The following TTN variants were observed in gnomAD, a reference collection of about 807,000 sequenced individuals.
The protein encoded by TTN is titin.
Under a neutral mutation model 3,223.0 loss-of-function variants are expected in TTN, and 1,525 were observed. The ratio of observed to expected loss-of-function variants is 0.47; its 90% CI spans 0.45 to 0.49. The LOEUF (loss-of-function observed/expected upper bound fraction) is 0.49, where lower values mean the gene tolerates loss of function less well. TTN is among the 20% of genes least tolerant of loss of function. TTN has a pLI of 0.00. For synonymous variants in TTN, 14,094 were observed against 15,161.0 expected (o/e 0.93, Z 5.17); for missense variants, 40,786 against 43,424.0 (o/e 0.94, Z 5.40).
rs879015914 is a variant in TTN at position 178,536,448 on chromosome 2, C to A, written c.100299G>T (p.Glu33433Asp). 7.4e-6 allele frequency: 12 copies of A among 1,610,846 alleles called. No individual in the cohort carries two copies. The African/African-American group carries it at 1.5e-4, about 20-fold the overall frequency. ...KIRNYYLEKR[E>D]KKQNKWISVT... ...CAGAAATCCATTTATTCTGCTTCTT[C>A]TCACGCTTCTCAAGGTAGTAATTTC... The change falls in exon 357 of 363, where the codon GAG becomes GAT. Residue 33433 changes from glutamate (E) to aspartate (D), a missense_variant. By Grantham distance (45) the Glu-to-Asp change is conservative. Transcript: ENST00000589042.
At chr2:178,543,046 T>C in intron 347 of TTN, 23 bp downstream of exon 347, 1 of 1,521,602 alleles carries the variant, frequency 6.6e-7, no homozygotes. Context: ...CTTTTTTTTT[T>C]TTTTTGGCTA....
In TTN at chr2:178,598,631, T is replaced by G. The variant is rs541709149; in HGVS notation, c.56986A>C (p.Lys18996Gln). Residue 18996 changes from lysine to glutamine, a missense_variant, in exon 292 of 363, where the codon AAA becomes CAA. Physicochemically the swap from Lys to Gln is moderately conservative, Grantham distance 53. Transcript: ENST00000589042. ...GATGATTTAGTCCAATCTGTCACTT[T>G]GGGAAATGGAGGACCAGGAGGGGCT... ...PIAPPGPPFP[K>Q]VTDWTKSSAD... 14 of 1,604,158 alleles carry G rather than the reference T, an allele frequency of 8.7e-6. No individual in the cohort carries two copies. In the South Asian group the frequency reaches 1.5e-4, roughly 17 times the overall value.
At chr2:178,679,191 T>C in intron 142 of TTN, 148 bp downstream of exon 142, 2 of 772,690 alleles carry the variant, frequency 2.6e-6, no homozygotes, top group Non-Finnish European at 4.2e-6. Context: ...GAATACCGGG[T>C]AAACTGCTCC....
intron 6 of TTN, among the ~76,000 whole-genome samples, chr2:178,797,758 G>A (rs1171298126): frequency 1.3e-5 from 2 of 152,024 alleles, no homozygotes; most frequent in Non-Finnish European, 2.9e-5. Flanking sequence ...AGTGCTGTTT[G>A]GTTTAGAAAT....
In TTN at chr2:178,790,705, C is replaced by T. The variant is rs757783845; in HGVS notation, c.1800+3G>A. The T allele has an allele frequency of 6.2e-7, 1 of 1,614,094 alleles. No homozygotes were observed. The highest frequency in any genetic ancestry group is 8.5e-7 in the Non-Finnish European group (1 of 1,179,970). On this transcript the variant is annotated splice_donor_region_variant and intron_variant, in intron 11 of 362. Coordinates refer to ENST00000589042, the MANE Select transcript of TTN (RefSeq NM_001267550.2). ...GACTTTCACATTGGCAGGAAGTCAT[C>T]ACCTTTTCATAACTTAGGTGCATTT...
chr2:178,528,625 C>T lies in TTN; in HGVS notation c.107126G>A (p.Arg35709Lys). Residue 35709 changes from arginine to lysine, a missense_variant, in exon 360 of 363, where the codon AGA becomes AAA. Coordinates refer to ENST00000589042, the MANE Select transcript of TTN (RefSeq NM_001267550.2). ...TTGTCCTTCATTAATATTTTGAGAT[C>T]TAGGCTGTGAGATGAAGGCTGGAGC... ...SDAPAFISQPRSQNINEGQNV... is the reference protein window; with the variant it reads ...SDAPAFISQPKSQNINEGQNV... 1 of 1,612,642 alleles carries T rather than the reference C, an allele frequency of 6.2e-7. No homozygotes were observed. The highest frequency in any genetic ancestry group is 8.5e-7 in the Non-Finnish European group (1 of 1,179,220).
Position 178,539,077 on chromosome 2 carries a change from G to A in TTN, c.98858C>T (p.Thr32953Ile). The A allele has an allele frequency of 6.2e-7, 1 of 1,613,776 alleles. No individual in the cohort carries two copies. The highest frequency in any genetic ancestry group is 1.3e-5 in the African/African-American group (1 of 75,020). The change falls in exon 353 of 363, where the codon ACC becomes ATC. Residue 32953 changes from threonine to isoleucine, a missense_variant. Thr to Ile is a moderately conservative substitution (Grantham distance 89, BLOSUM62 -1). Coordinates refer to ENST00000589042, the MANE Select transcript of TTN (RefSeq NM_001267550.2). ...CCCTGTGACAGTGTACATTGTGGTGGTGATCTGAGTCTTGTTGTGTCTGAC... is the reference window on the plus strand; with the variant it reads ...CCCTGTGACAGTGTACATTGTGGTGATGATCTGAGTCTTGTTGTGTCTGAC... Reference protein sequence around the residue: ...KWVRHNKTQITTTMYTVTGLV... With the variant: ...KWVRHNKTQIITTMYTVTGLV...
chr2:178,771,219 T>G lies in TTN; in HGVS notation c.8108A>C (p.Lys2703Thr), dbSNP rs2091436696. The G allele has an allele frequency of 6.2e-7, 1 of 1,614,024 alleles. No homozygotes were observed. Among genetic ancestry groups the G allele is most frequent in the South Asian group, 1.1e-5 (1 of 91,088 alleles). Residue 2703 changes from lysine (K) to threonine (T), a missense_variant, in exon 34 of 363, where the codon AAA becomes ACA. Physicochemically the swap from Lys to Thr is moderately conservative, Grantham distance 78. Transcript: ENST00000589042. ...AATCCTATGTTACTTGCCTTCAACT[T>G]TGAGTTTGGCAGATGTTTTGGAGGT... The part of the protein sequence containing the change: ...VATSKTSAKL[K>T]VEAVKIKKTL...
In TTN at chr2:178,545,686, T is replaced by C; in HGVS notation, c.95424A>G (p.Pro31808=). 6.2e-7 allele frequency: 1 copy of C among 1,611,194 alleles called. No individual in the cohort carries two copies. The highest frequency in any genetic ancestry group is 8.5e-7 in the Non-Finnish European group (1 of 1,177,884). The stretch of plus-strand genomic sequence containing the variant: ...CTTCTTCAGGTATGCCGGGTGGTGA[T>C]GGAATAGCTGTTTATGAAAATAAGG... ...PIVARNSFTI[P]SPPGIPEEVG... Residue 31808 remains proline, a synonymous_variant, in exon 344 of 363, where the codon CCA becomes CCG. Transcript: ENST00000589042.
At chr2:178,745,204 T>C (rs1269704306) in intron 47 of TTN, 1 of 1,026,456 alleles carries the variant, frequency 9.7e-7, no homozygotes, top group Non-Finnish European at 1.2e-6. Flanking sequence ...TCATCTGATA[T>C]GGTCTCCACT....
chr2:178,559,752 C>G lies in TTN; in HGVS notation c.86380G>C (p.Asp28794His). Reference protein sequence around the residue: ...PNVLWSKPDTDLRTRAYVDTT... With the variant: ...PNVLWSKPDTHLRTRAYVDTT... ...TCAACATAAGCTCTAGTACGGAGGT[C>G]AGTGTCTGGCTTACTCCACAAGACA... The change falls in exon 326 of 363, where the codon GAC (aspartate) becomes CAC (histidine). Residue 28794 changes from aspartate (D) to histidine (H), a missense_variant. By Grantham distance (81) the Asp-to-His change is moderately conservative (BLOSUM62 -1). Coordinates refer to ENST00000589042, the MANE Select transcript of TTN (RefSeq NM_001267550.2). 1 of 1,598,392 alleles carries G rather than the reference C, an allele frequency of 6.3e-7. No individual in the cohort carries two copies. The highest frequency in any genetic ancestry group is 8.5e-7 in the Non-Finnish European group (1 of 1,171,764).
chr2:178,753,008 T>C (rs1165588657), intron 47 of TTN, 116 bp downstream of exon 47: 26 of 779,756 alleles, frequency 3.3e-5, no homozygotes, highest in Non-Finnish European at 5.3e-5. Context: ...CTAAGAGATA[T>C]ATTTGTATAT....
rs1406349998 is a variant in TTN at position 178,724,621 on chromosome 2, C to T, written c.20837-83G>A. On this transcript the variant is annotated intron_variant, in intron 71 of 362. Transcript: ENST00000589042. ...TATCACATTCACTAAGATTGTTTCT[C>T]CCAGTGAGATGGTTATGTTAGGGTG... 11 of 1,391,270 alleles carry T rather than the reference C, an allele frequency of 7.9e-6. No individual in the cohort carries two copies. The Admixed American group carries it at 3.3e-4, about 41-fold the overall frequency. 86.2% of individuals were successfully genotyped at this position (1,391,270 alleles called of 1,614,324 possible).
rs774444882 is a variant in TTN, at chr2:178,613,936, A to G, written c.49347T>C (p.Asp16449=). 5 of 1,607,160 alleles carry G rather than the reference A, an allele frequency of 3.1e-6. No homozygotes were observed. Among genetic ancestry groups the G allele is most frequent in the Non-Finnish European group, 4.2e-6 (5 of 1,176,848 alleles). ...ASPITAKYQF[D]PPGPPTRLEP... is the part of the protein sequence containing the mutation. ...CTAGGCGAGTTGGAGGACCAGGTGG[A>G]TCTATAGACAGGATAATGGTGTAAA... is the stretch of plus-strand genomic sequence containing the variant. Residue 16449 remains aspartate, a splice_region_variant and synonymous_variant, in exon 263 of 363, where the codon GAT becomes GAC. Coordinates refer to ENST00000589042, the MANE Select transcript of TTN (RefSeq NM_001267550.2).
At position 178,590,027 on chromosome 2, in the gene TTN, G is replaced by A. The variant is rs540129161; in HGVS notation, c.61698C>T (p.Val20566=). The change falls in exon 304 of 363, where the codon GTC becomes GTT. Residue 20566 remains valine (V), a synonymous_variant. Transcript: ENST00000589042. ...TCTGGCAAGGCCCAGGTCTGTCAAG[G>A]ACGTTAACGATGGCTGAACCTTGGG... The part of the protein sequence containing the change: ...GHAQGSAIVN[V]LDRPGPCQNL... The A allele has an allele frequency of 1.3e-5, 21 of 1,613,140 alleles. No individual in the cohort carries two copies. In the East Asian group the frequency reaches 4.5e-4, roughly 34 times the overall value.
At position 178,673,685 on chromosome 2, in the gene TTN, T is replaced by C. The variant is rs866407525; in HGVS notation, c.34734A>G (p.Val11578=). 5.5e-5 allele frequency: 87 copies of C among 1,591,234 alleles called. 7 individuals are homozygous for C. The Middle Eastern group carries it at 0.013, about 237-fold the overall frequency. The part of the protein sequence containing the change: ...PRVPEVIKKA[V]PEAPTPVPKK... ...TAGGAACAGGAGTAGGTGCTTCAGGTACTGCTTTCTTAATCACTTCAGGCA... is the reference window on the plus strand; with the variant it reads ...TAGGAACAGGAGTAGGTGCTTCAGGCACTGCTTTCTTAATCACTTCAGGCA... Residue 11578 remains valine, a synonymous_variant, in exon 152 of 363, where the codon GTA becomes GTG. Transcript: ENST00000589042.
chr2:178,750,193 G>A, intron 47 of TTN: 1 of 1,613,092 alleles, frequency 6.2e-7, no homozygotes, highest in Middle Eastern at 1.7e-4. Context: ...TAGATGGATG[G>A]GCGCCTTTTG....
rs761010286 is a variant in TTN, at chr2:178,663,645, C to T, written c.36514G>A (p.Glu12172Lys). Residue 12172 changes from glutamate (E) to lysine (K), a missense_variant, in exon 171 of 363, where the codon GAA becomes AAA. By Grantham distance (56) the Glu-to-Lys change is moderately conservative. Transcript: ENST00000589042. The stretch of plus-strand genomic sequence containing the variant: ...CAAATACCTTTAACAGGTGGGACTT[C>T]AGGCTCTTTAGGAGGAGCCACTGGC... ...KAPVAPPKEP[E>K]VPPVKVPEAP... 1.2e-6 allele frequency: 2 copies of T among 1,613,692 alleles called. No individual in the cohort carries two copies. Among genetic ancestry groups the T allele is most frequent in the Non-Finnish European group, 1.7e-6 (2 of 1,179,738 alleles).
chr2:178,529,121 CT>C lies in TTN; in HGVS notation c.106629del (p.Ala35544ProfsTer2), dbSNP rs869312069. 3 of 1,591,546 alleles carry C rather than the reference CT, an allele frequency of 1.9e-6. No individual in the cohort carries two copies. Among genetic ancestry groups the C allele is most frequent in the Non-Finnish European group, 2.6e-6 (3 of 1,170,858 alleles). On this transcript the variant is annotated frameshift_variant, in exon 360 of 363. Transcript: ENST00000589042. LOFTEE classifies it high-confidence loss of function. ...KAVVQEEISQKALRSEEIKMS... is the reference protein window; with the variant it reads ...KAVVQEEISQXALRSEEIKMS... Reference sequence around the variant, plus strand: ...ATCTTAATTTCTTCAGACCTTAGGGCTTTTTGGGAAATTTCCTCTTGGACAA... The same window carrying C: ...ATCTTAATTTCTTCAGACCTTAGGGCTTTTGGGAAATTTCCTCTTGGACAA...
Sources: allele counts gnomAD v4.1 joint callset (sites outside exome capture counted in the v4.1 genomes callset), GRCh38; gene constraint gnomAD v4.1.1; transcripts MANE v1.5; gene names NCBI Gene and HGNC (gene_info 2026-07-23, HGNC 2026-07-21).